The following SLC25A21 variants were observed in gnomAD, a reference collection of about 807,000 sequenced individuals.
SLC25A21 encodes the protein mitochondrial 2-oxodicarboxylate carrier.
SLC25A21 carries 47 observed loss-of-function variants against 43.8 expected under a neutral mutation model. The ratio of observed to expected loss-of-function variants is 1.07; its 90% confidence interval spans 0.85 to 1.37. The LOEUF (loss-of-function observed/expected upper bound fraction) is 1.37. Among genes scored for constraint, SLC25A21 ranks in the 40% most tolerant of loss-of-function variants. The pLI is 0.00. For missense variants in SLC25A21, 352 were observed against 350.2 expected, an observed-to-expected ratio of 1.00 and a Z score of -0.04; for synonymous variants, 131 against 121.3, an observed-to-expected ratio of 1.08 and a Z score of -0.52.
chr14:37,093,912 A>G (rs1309752337), intron 1 of SLC25A21, among the ~76,000 whole-genome samples: 1 of 152,230 alleles, frequency 6.6e-6, no homozygotes, highest in Admixed American at 6.5e-5. Context: ...GTCATCTGGC[A>G]TGATCCCATG....
intron 1 of SLC25A21, among the ~76,000 whole-genome samples, chr14:37,010,426 G>C (rs1474999133): frequency 6.6e-6 from 1 of 152,210 alleles, no homozygotes; most frequent in Non-Finnish European, 1.5e-5. Flanking sequence ...TCTTCCTCAA[G>C]AGGCTTACAG....
intron 2 of SLC25A21, among the ~76,000 whole-genome samples, chr14:36,840,031 G>C (rs560987681): frequency 7.2e-5 from 11 of 152,254 alleles, no homozygotes; most frequent in South Asian, 4.1e-4. Context: ...AGAAATGGAT[G>C]GCAGCTTGAG....
intron 7 of SLC25A21, among the ~76,000 whole-genome samples, chr14:36,698,068 C>CTAAACGTGGAAA (rs1566507960): frequency 3.9e-5 from 6 of 152,078 alleles, no homozygotes; most frequent in Non-Finnish European, 7.4e-5. Context: ...TTTCTTTCCA[C>CTAAACGTGGAAA]GTTTAGTGCT....
intron 3 of SLC25A21, among the ~76,000 whole-genome samples, chr14:36,813,046 T>C (rs1342778691): frequency 5.3e-5 from 8 of 152,172 alleles, no homozygotes; most frequent in Admixed American, 6.6e-5. Flanking sequence ...AAATATAATA[T>C]TCTTTGAAAA....
intron 1 of SLC25A21, among the ~76,000 whole-genome samples, chr14:37,002,230 T>G (rs571927884): frequency 5.9e-5 from 9 of 151,928 alleles, no homozygotes; most frequent in Non-Finnish European, 1.3e-4. Flanking sequence ...CCAGCTGGAG[T>G]GGTGGGGATT....
intron 1 of SLC25A21, among the ~76,000 whole-genome samples, chr14:37,158,309 G>A (rs1963884468): frequency 6.6e-6 from 1 of 152,044 alleles, no homozygotes; most frequent in South Asian, 2.1e-4. Flanking sequence ...TGTCCCTAAT[G>A]AACATAGACA....
chr14:37,124,248 G>A (rs1183998386), intron 1 of SLC25A21, among the ~76,000 whole-genome samples: 1 of 151,854 alleles, frequency 6.6e-6, no homozygotes, highest in Non-Finnish European at 1.5e-5. Flanking sequence ...AGCCACATTG[G>A]TTTTAAAATA....
At chr14:36,736,168 C>G (rs1885032383) in intron 3 of SLC25A21, among the ~76,000 whole-genome samples, 1 of 152,056 alleles carries the variant, frequency 6.6e-6, no homozygotes, top group Non-Finnish European at 1.5e-5. Flanking sequence ...ATCTCCTGAC[C>G]TCGTGATCCG....
intron 3 of SLC25A21, among the ~76,000 whole-genome samples, chr14:36,758,061 T>C (rs1300659765): frequency 2.0e-5 from 3 of 152,198 alleles, no homozygotes; most frequent in African/African-American, 7.2e-5. Flanking sequence ...CAGCAATGAA[T>C]GCAGACTGGC....
rs113304215 is a variant in SLC25A21 at position 36,911,646 on chromosome 14, T to C, written c.71-36642A>G. ...ATTGGGGAGAACTGAGGCTCTCTAG[T>C]CCCAGCCAATAGCTGGCACCAACTG... On this transcript the variant is annotated intron_variant, in intron 1 of 9. Transcript: ENST00000331299. Among the ~76,000 whole-genome samples the C allele has an allele frequency of 9.7e-3, 1,472 of 152,276 alleles. 21 individuals carry two copies. The highest frequency in any genetic ancestry group is 0.034 in the African/African-American group (1,399 of 41,554).
intron 1 of SLC25A21, among the ~76,000 whole-genome samples, chr14:36,930,260 C>CA (rs1276765158): frequency 1.3e-5 from 2 of 152,114 alleles, no homozygotes; most frequent in Admixed American, 1.3e-4. Context: ...GAATATCACA[C>CA]AAAAATAAAA....
chr14:36,950,524 G>A (rs563841146), intron 1 of SLC25A21, among the ~76,000 whole-genome samples: 54 of 152,296 alleles, frequency 3.5e-4, no homozygotes, highest in South Asian at 1.9e-3. Flanking sequence ...CCGGCACCTT[G>A]ATCCTGGATT....
intron 2 of SLC25A21, among the ~76,000 whole-genome samples, chr14:36,832,121 C>G (rs1313563969): frequency 6.6e-6 from 1 of 152,028 alleles, no homozygotes; most frequent in Non-Finnish European, 1.5e-5. Context: ...CAGAAATGGC[C>G]GGTTTCTCAG....
chr14:36,967,330 C>G (rs1959640288), intron 1 of SLC25A21, among the ~76,000 whole-genome samples: 1 of 152,138 alleles, frequency 6.6e-6, no homozygotes, highest in Admixed American at 6.5e-5. Context: ...TATGATAAGC[C>G]TCAGGAGGCC....
At chr14:36,986,130 C>T (rs1960139745) in intron 1 of SLC25A21, among the ~76,000 whole-genome samples, 1 of 152,146 alleles carries the variant, frequency 6.6e-6, no homozygotes, top group African/African-American at 2.4e-5. Context: ...TGAAATCTCT[C>T]AGGCACTCTC....
intron 3 of SLC25A21, among the ~76,000 whole-genome samples, chr14:36,776,647 T>G (rs1555327525): frequency 6.6e-6 from 1 of 151,682 alleles, no homozygotes; most frequent in Non-Finnish European, 1.5e-5. Flanking sequence ...ACACAGTGAC[T>G]TTTGACAATC....
chr14:36,845,560 T>A (rs1889516282), intron 2 of SLC25A21, among the ~76,000 whole-genome samples: 1 of 152,258 alleles, frequency 6.6e-6, no homozygotes. Context: ...CATGAGGCAC[T>A]GGGATTTTCA....
In SLC25A21 at chr14:37,051,113, T is replaced by A. The variant is rs1173938322; in HGVS notation, c.70+121168A>T. On this transcript the variant is annotated intron_variant, in intron 1 of 9. Coordinates refer to ENST00000331299, the MANE Select transcript of SLC25A21 (RefSeq NM_030631.4). ...TTAATATCAAAGATCTCCAATTGTA[T>A]ATAAGCTCCATGAGGAAAGGACTTT... is the stretch of plus-strand genomic sequence containing the variant. Among the ~76,000 whole-genome samples the A allele has an allele frequency of 2.6e-5, 4 of 152,242 alleles. No individual in the cohort carries two copies. The East Asian group carries it at 7.7e-4, about 29-fold the overall frequency.
rs368016551 is a variant in SLC25A21, at chr14:37,041,546, T to G, written c.70+130735A>C. ...TTTAGAAGTACCTGGGCATGACTTATCAGCAGCACATAGATGTGATCTATT... is the reference window on the plus strand; with the variant it reads ...TTTAGAAGTACCTGGGCATGACTTAGCAGCAGCACATAGATGTGATCTATT... On this transcript the variant is annotated intron_variant, in intron 1 of 9. Coordinates refer to ENST00000331299, the MANE Select transcript of SLC25A21 (RefSeq NM_030631.4). 1.8e-4 allele frequency among the ~76,000 whole-genome samples: 28 copies of G among 152,286 alleles called. No homozygotes were observed. In the East Asian group the frequency reaches 4.8e-3, roughly 26 times the overall value.
Sources: allele counts gnomAD v4.1 joint callset (sites outside exome capture counted in the v4.1 genomes callset), GRCh38; gene constraint gnomAD v4.1.1; transcripts MANE v1.5; gene names NCBI Gene and HGNC (gene_info 2026-07-23, HGNC 2026-07-21).